Variants in HIF1AN observed in about 807,000 individuals in gnomAD.
The protein encoded by HIF1AN is hypoxia-inducible factor 1-alpha inhibitor.
HIF1AN carries 21 observed loss-of-function variants against 47.7 expected under a neutral mutation model. That is an observed-to-expected ratio of 0.44 (90% CI 0.31 to 0.63). HIF1AN has a LOEUF of 0.63. Ranked by LOEUF, HIF1AN falls within the 30% of genes least tolerant of loss-of-function variation. The probability of loss-of-function intolerance (pLI) is 0.07; values close to 1 mark genes in which losing one functional copy is unlikely to be tolerated. For synonymous variants in HIF1AN, 152 were observed against 155.9 expected (o/e 0.98, Z 0.18); for missense variants, 320 against 432.7 (o/e 0.74, Z 2.31).
chr10:100,552,840 G>C lies in HIF1AN; in HGVS notation c.*4703G>C, dbSNP rs569879996. On this transcript the variant is annotated 3_prime_UTR_variant, in exon 8 of 8. Coordinates refer to ENST00000299163, the MANE Select transcript of HIF1AN (RefSeq NM_017902.3). ...CTAGTCCTCTTGTTTTGTGTCTGCT[G>C]TGTGTTCTTGCCCTTCCATTGTCAG... 1.3e-5 allele frequency: 2 copies of C among 152,466 alleles called. No individual in the cohort carries two copies. The highest frequency in any genetic ancestry group is 2.1e-4 in the South Asian group (1 of 4,810). The allele number at this position is 152,466 out of a possible 1,614,324, so 9.4% of individuals were successfully genotyped here.
rs376257507 is a variant in HIF1AN at position 100,559,048 on chromosome 10, C to CTTTTTT, written c.*10920_*10925dup. On this transcript the variant is annotated 3_prime_UTR_variant, in exon 8 of 8. Coordinates refer to ENST00000299163, the MANE Select transcript of HIF1AN (RefSeq NM_017902.3). ...TTTAAGTTGAAATTTTGCTAAGTTT[C>CTTTTTT]TTTTTTTTTTTTTTGAGACGGAGTC... 1 of 142,382 alleles carries CTTTTTT rather than the reference C, an allele frequency of 7.0e-6. No homozygotes were observed. Among genetic ancestry groups the CTTTTTT allele is most frequent in the African/African-American group, 2.6e-5 (1 of 38,970 alleles). 8.8% of individuals were successfully genotyped at this position (142,382 alleles called of 1,614,324 possible).
chr10:100,546,458 G>A (rs1352415526), intron 5 of HIF1AN, 60 bp from the exon 6 acceptor site: 11 of 816,898 alleles, frequency 1.3e-5, no homozygotes, highest in East Asian at 9.0e-5. Flanking sequence ...CCCGCACTTC[G>A]CCCCTCCGCC....
rs893053581 is a variant in HIF1AN at position 100,559,013 on chromosome 10, A to G, written c.*10876A>G. ...AATGCCAACTAAAAAGTGTGTATTT[A>G]TACTCGAATTTTAAGTTGAAATTTT... On this transcript the variant is annotated 3_prime_UTR_variant, in exon 8 of 8. Transcript: ENST00000299163. 6.6e-6 allele frequency: 1 copy of G among 151,370 alleles called. No homozygotes were observed. 9.4% of individuals were successfully genotyped at this position (151,370 alleles called of 1,614,324 possible).
intron 4 of HIF1AN, among the ~76,000 whole-genome samples, chr10:100,545,724 T>G (rs1843086681): frequency 6.6e-6 from 1 of 152,250 alleles, no homozygotes; most frequent in African/African-American, 2.4e-5. Context: ...CTAGGATTCT[T>G]TATCACTTAA....
rs1233018923 is a variant in HIF1AN at position 100,554,340 on chromosome 10, AATT to A, written c.*6206_*6208del. The A allele has an allele frequency of 6.6e-6, 1 of 152,090 alleles. No individual in the cohort carries two copies. The highest frequency in any genetic ancestry group is 1.5e-5 in the Non-Finnish European group (1 of 68,034). 9.4% of individuals were successfully genotyped at this position (152,090 alleles called of 1,614,324 possible). A position where few individuals can be genotyped will look rare whatever the true frequency, so the allele number is the denominator to read the frequency against. On this transcript the variant is annotated 3_prime_UTR_variant, in exon 8 of 8. Transcript: ENST00000299163. ...TAGTCCATGCCTTTCCATGTATTTA[AATT>A]ATATAAGTGTTGGCCAGGTGTGGTG...
rs11190609 is a variant in HIF1AN at position 100,548,164 on chromosome 10, A to G, written c.*27A>G. ...CTGCCAGGGGTCAAGGCCTCCTGCC[A>G]GGTGACTGCTATCCCGTCCACACCG... On this transcript the variant is annotated 3_prime_UTR_variant, in exon 8 of 8. Transcript: ENST00000299163. 0.047 allele frequency: 74,510 copies of G among 1,593,950 alleles called. 2,079 individuals are homozygous for G. Among genetic ancestry groups the G allele is most frequent in the Non-Finnish European group, 0.056 (64,924 of 1,168,904 alleles).
rs1462597945 is a variant in HIF1AN, at chr10:100,548,964, G to C, written c.*827G>C. 6.6e-6 allele frequency: 1 copy of C among 152,328 alleles called. No homozygotes were observed. Among genetic ancestry groups the C allele is most frequent in the Non-Finnish European group, 1.5e-5 (1 of 68,176 alleles). The allele number at this position is 152,328 out of a possible 1,614,324, so 9.4% of individuals were successfully genotyped here. ...GTTCTCCTAGCTGTGGCTTCTCTAGGTTCTAGGGGTGCAAGCCTCTGTGTG... is the reference window on the plus strand; with the variant it reads ...GTTCTCCTAGCTGTGGCTTCTCTAGCTTCTAGGGGTGCAAGCCTCTGTGTG... On this transcript the variant is annotated 3_prime_UTR_variant, in exon 8 of 8. Transcript: ENST00000299163.
chr10:100,545,849 G>A (rs1244898507), intron 4 of HIF1AN, 94 bp from the exon 5 acceptor site: 1 of 727,068 alleles, frequency 1.4e-6, no homozygotes, highest in Admixed American at 2.5e-5. Context: ...TTTTTTGTTT[G>A]TTTGTTTGTT....
In HIF1AN at chr10:100,549,148, A is replaced by T. The variant is rs1843130104; in HGVS notation, c.*1011A>T. The T allele has an allele frequency of 6.6e-6, 1 of 152,258 alleles. No individual in the cohort carries two copies. Among genetic ancestry groups the T allele is most frequent in the Non-Finnish European group, 1.5e-5 (1 of 68,326 alleles). 9.4% of individuals were successfully genotyped at this position (152,258 alleles called of 1,614,324 possible). A position where few individuals can be genotyped will look rare whatever the true frequency, so the allele number is the denominator to read the frequency against. Reference sequence around the variant, plus strand: ...TACTTACCAAGGTTCTCCACTGCTTACCTTTTCCAGTGGGACAGTACAGTG... The same window carrying T: ...TACTTACCAAGGTTCTCCACTGCTTTCCTTTTCCAGTGGGACAGTACAGTG... On this transcript the variant is annotated 3_prime_UTR_variant, in exon 8 of 8. Coordinates refer to ENST00000299163, the MANE Select transcript of HIF1AN (RefSeq NM_017902.3).
intron 3 of HIF1AN, 106 bp downstream of exon 3, chr10:100,540,888 T>A (rs1328037196): frequency 9.7e-7 from 1 of 1,032,702 alleles, no homozygotes; most frequent in East Asian, 2.7e-5. Context: ...GCCACTTCAC[T>A]TTCTTAAGCC....
chr10:100,539,820 A>G (rs1843004920), intron 2 of HIF1AN, among the ~76,000 whole-genome samples: 1 of 152,198 alleles, frequency 6.6e-6, no homozygotes, highest in Admixed American at 6.5e-5. Context: ...GTGAACAGTA[A>G]TACAATTTAC....
chr10:100,557,812 G>C lies in HIF1AN; in HGVS notation c.*9675G>C, dbSNP rs1047740218. On this transcript the variant is annotated 3_prime_UTR_variant, in exon 8 of 8. Coordinates refer to ENST00000299163, the MANE Select transcript of HIF1AN (RefSeq NM_017902.3). ...ATGAGACAACTCATTAACTAACTAA[G>C]TTAATTCAGAACTTAGTGCCTAGTA... The C allele has an allele frequency of 7.7e-6, 1 of 129,608 alleles. No individual in the cohort carries two copies. Among genetic ancestry groups the C allele is most frequent in the Non-Finnish European group, 1.7e-5 (1 of 59,934 alleles). The allele number at this position is 129,608 out of a possible 1,614,324, so 8.0% of individuals were successfully genotyped here. A position where few individuals can be genotyped will look rare whatever the true frequency, so the allele number is the denominator to read the frequency against.
rs889762267 is a variant in HIF1AN at position 100,543,697 on chromosome 10, A to G, written c.578-1254A>G. Among the ~76,000 whole-genome samples, 12 of 152,092 alleles carry G rather than the reference A, an allele frequency of 7.9e-5. No individual in the cohort carries two copies. The South Asian group carries it at 8.3e-4, about 11-fold the overall frequency. ...CACCATTCTTCTGCCTCAGCCTCCC[A>G]AGTAGCTGGGACTGTAGGCGCCCGC... On this transcript the variant is annotated intron_variant, in intron 3 of 7. Transcript: ENST00000299163.
intron 2 of HIF1AN, 113 bp from the exon 3 acceptor site, chr10:100,540,521 T>TTC: frequency 8.4e-7 from 1 of 1,195,858 alleles, no homozygotes; most frequent in Non-Finnish European, 1.2e-6. Context: ...ACTACATCTG[T>TTC]TCTCTGTGGG....
Position 100,554,242 on chromosome 10 carries a change from C to T in HIF1AN, c.*6105C>T, listed in dbSNP as rs1377196587. ...TGGAGCCGAATGAGTCCTTATTATA[C>T]CTGGAGAAGCTGTTGTCTCCTCACA... On this transcript the variant is annotated 3_prime_UTR_variant, in exon 8 of 8. Transcript: ENST00000299163. The T allele has an allele frequency of 6.6e-6, 1 of 152,156 alleles. No homozygotes were observed. Among genetic ancestry groups the T allele is most frequent in the Non-Finnish European group, 1.5e-5 (1 of 68,046 alleles). The allele number at this position is 152,156 out of a possible 1,614,324, so 9.4% of individuals were successfully genotyped here. A position where few individuals can be genotyped will look rare whatever the true frequency, so the allele number is the denominator to read the frequency against.
intron 1 of HIF1AN, 94 bp downstream of exon 1, chr10:100,536,229 C>T (rs1589749946): frequency 7.4e-7 from 1 of 1,360,280 alleles, no homozygotes; most frequent in Non-Finnish European, 1.0e-6. Flanking sequence ...ACTGGCAGGG[C>T]TCTAGACTAG....
intron 3 of HIF1AN, among the ~76,000 whole-genome samples, chr10:100,543,180 TTTTTTG>T (rs150379205): frequency 6.0e-5 from 9 of 151,174 alleles, no homozygotes; most frequent in Non-Finnish European, 1.2e-4. Context: ...ACCTGCCTCT[TTTTTTG>T]TTTTTGTTTT....
At chr10:100,541,932 A>G (rs1164025496) in intron 3 of HIF1AN, among the ~76,000 whole-genome samples, 2 of 152,208 alleles carry the variant, frequency 1.3e-5, no homozygotes, top group Non-Finnish European at 2.9e-5. Context: ...TAAACCATGT[A>G]CTACATGGTG....
intron 4 of HIF1AN, 108 bp from the exon 5 acceptor site, chr10:100,545,834 GT>G (rs774849849): frequency 2.0e-3 from 1,249 of 631,366 alleles, no homozygotes; most frequent in Admixed American, 3.3e-3. Context: ...TTAAGGCATC[GT>G]TTTTTTTTTG....
Sources: allele counts gnomAD v4.1 joint callset (sites outside exome capture counted in the v4.1 genomes callset), GRCh38; gene constraint gnomAD v4.1.1; transcripts MANE v1.5; gene names NCBI Gene and HGNC (gene_info 2026-07-23, HGNC 2026-07-21).